CAMK2B: variants seen among roughly 807,000 people sequenced by gnomAD.
The protein encoded by CAMK2B is calcium/calmodulin dependent protein kinase II beta.
A neutral mutation model predicts 93.7 loss-of-function variants in CAMK2B; 27 were observed. The ratio of observed to expected loss-of-function variants is 0.29; its 90% CI spans 0.21 to 0.40. CAMK2B has a LOEUF of 0.40. CAMK2B is among the 10% of genes least tolerant of loss of function. The pLI, the probability that CAMK2B is intolerant of heterozygous loss-of-function variation, is 1.00. For synonymous variants in CAMK2B, 374 were observed against 358.8 expected (o/e 1.04, Z -0.48); for missense variants, 568 against 895.8 (o/e 0.63, Z 4.67).
chr7:44,322,119 A>C (rs1796246589), intron 1 of CAMK2B, among the ~76,000 whole-genome samples: 1 of 152,274 alleles, frequency 6.6e-6, no homozygotes, highest in Non-Finnish European at 1.5e-5. Flanking sequence ...GGGGGCACGC[A>C]GGACAGTGTT....
chr7:44,307,122 T>G (rs76352887), intron 1 of CAMK2B, among the ~76,000 whole-genome samples: 842 of 29,266 alleles, frequency 0.029, 22 homozygotes, highest in African/African-American at 0.097. Context: ...AGGAGGAGGG[T>G]GTGAGCAGGG....
Position 44,243,180 on chromosome 7 carries a change from T to C in CAMK2B, c.601+70A>G, listed in dbSNP as rs1221201392. 2.2e-5 allele frequency: 26 copies of C among 1,190,400 alleles called. No individual in the cohort carries two copies. In the East Asian group the frequency reaches 6.3e-4, roughly 29 times the overall value. The allele number at this position is 1,190,400 out of a possible 1,614,324, so 73.7% of individuals were successfully genotyped here. ...GCAAGACGTGCTGGCCACTGCACAC[T>C]CCAGGATGTAGGTGGGAAGTCCTGA... On this transcript the variant is annotated intron_variant, in intron 8 of 23. Transcript: ENST00000395749.
intron 1 of CAMK2B, among the ~76,000 whole-genome samples, chr7:44,285,713 C>A (rs1482324186): frequency 2.6e-5 from 4 of 151,670 alleles, no homozygotes; most frequent in Non-Finnish European, 5.9e-5. Flanking sequence ...GCTTGGGCGG[C>A]CACTGAGCTG....
At chr7:44,277,490 A>T (rs910142298) in intron 2 of CAMK2B, among the ~76,000 whole-genome samples, 1 of 152,196 alleles carries the variant, frequency 6.6e-6, no homozygotes, top group Non-Finnish European at 1.5e-5. Flanking sequence ...CTGGAGCTGC[A>T]TGCTACCAGC....
At chr7:44,272,421 G>A (rs1380632479) in intron 2 of CAMK2B, among the ~76,000 whole-genome samples, 1 of 152,196 alleles carries the variant, frequency 6.6e-6, no homozygotes, top group Admixed American at 6.5e-5. Flanking sequence ...CCGGGAGGCT[G>A]AGCCCTGTGA....
At position 44,242,252 on chromosome 7, in the gene CAMK2B, G is replaced by A. The variant is rs140934351; in HGVS notation, c.785C>T (p.Thr262Ile). ...MLTINPAKRI[T>I]AHEALKHPWV... ...CGGGTGCTTCAGGGCCTCATGGGCTGTGATGCGCTTGGCAGGGTTGATGGT... is the reference window on the plus strand; with the variant it reads ...CGGGTGCTTCAGGGCCTCATGGGCTATGATGCGCTTGGCAGGGTTGATGGT... The change falls in exon 10 of 24, where the codon ACA becomes ATA. Residue 262 changes from threonine to isoleucine, a missense_variant. Around this residue, in one of 4 missense-constraint regions of CAMK2B, gnomAD observed 105 missense variants for 372.4 expected, o/e 0.28. Transcript: ENST00000395749. The A allele has an allele frequency of 6.2e-7, 1 of 1,614,092 alleles. No individual in the cohort carries two copies. Among genetic ancestry groups the A allele is most frequent in the African/African-American group, 1.3e-5 (1 of 75,062 alleles).
Position 44,248,620 on chromosome 7 carries a change from A to C in CAMK2B, c.342-1428T>G, listed in dbSNP as rs1042967503. Among the ~76,000 whole-genome samples the C allele has an allele frequency of 6.6e-6, 1 of 152,220 alleles. No individual in the cohort carries two copies. Among genetic ancestry groups the C allele is most frequent in the African/African-American group, 2.4e-5 (1 of 41,462 alleles). On this transcript the variant is annotated intron_variant, in intron 5 of 23. Coordinates refer to ENST00000395749, the MANE Select transcript of CAMK2B (RefSeq NM_001220.5). The surrounding 1 kb of genome is among the most constrained non-coding windows in gnomAD (Gnocchi z 4.1). ...CTATCCCAGCCAGATCCTTGGGGAC[A>C]GGAGGGTGACCAGGGTCAGCAAGAT...
chr7:44,317,147 G>A (rs1460154764), intron 1 of CAMK2B, among the ~76,000 whole-genome samples: 2 of 151,580 alleles, frequency 1.3e-5, no homozygotes, highest in African/African-American at 2.4e-5. Context: ...AACCAGACTT[G>A]CTGAATAAAT....
rs774396408 is a variant in CAMK2B, at chr7:44,242,218, G to A, written c.819C>T (p.Cys273=). The stretch of plus-strand genomic sequence containing the variant: ...ACCATGGGCACCAAGGGCGACTCAC[G>A]CAGACCCACGGGTGCTTCAGGGCCT... ...AHEALKHPWV[C]QRSTVASMMH... is the part of the protein sequence containing the mutation. Residue 273 remains cysteine, a splice_region_variant and synonymous_variant, in exon 10 of 24, where the codon TGC becomes TGT. Coordinates refer to ENST00000395749, the MANE Select transcript of CAMK2B (RefSeq NM_001220.5). 7 of 1,612,578 alleles carry A rather than the reference G, an allele frequency of 4.3e-6. No homozygotes were observed. In the East Asian group the frequency reaches 6.7e-5, roughly 15 times the overall value.
rs532563164 is a variant in CAMK2B, at chr7:44,248,374, C to T, written c.342-1182G>A. ...CCCTGCACACACCGAGAGCCCGTGGCTTGAATCTGCTTCTGCCCAGGTGCC... is the reference window on the plus strand; with the variant it reads ...CCCTGCACACACCGAGAGCCCGTGGTTTGAATCTGCTTCTGCCCAGGTGCC... On this transcript the variant is annotated intron_variant, in intron 5 of 23. Coordinates refer to ENST00000395749, the MANE Select transcript of CAMK2B (RefSeq NM_001220.5). The surrounding 1 kb of genome is among the most constrained non-coding windows in gnomAD (Gnocchi z 4.1). Among the ~76,000 whole-genome samples the T allele has an allele frequency of 3.3e-5, 5 of 152,296 alleles. No homozygotes were observed. Among genetic ancestry groups the T allele is most frequent in the African/African-American group, 1.2e-4 (5 of 41,552 alleles).
intron 2 of CAMK2B, among the ~76,000 whole-genome samples, chr7:44,272,152 C>T (rs940910034): frequency 4.0e-5 from 6 of 151,370 alleles, no homozygotes; most frequent in Non-Finnish European, 7.4e-5. Context: ...GACAAGCCTG[C>T]TCTCCCTCTG....
chr7:44,321,811 G>C (rs983053358), intron 1 of CAMK2B, among the ~76,000 whole-genome samples: 7 of 152,114 alleles, frequency 4.6e-5, no homozygotes, highest in African/African-American at 1.7e-4. Context: ...CCCAACAAAC[G>C]GTCGACACTG....
At position 44,229,433 on chromosome 7, in the gene CAMK2B, G is replaced by A; in HGVS notation, c.1294C>T (p.Leu432=). 1 of 1,501,814 alleles carries A rather than the reference G, an allele frequency of 6.7e-7. No individual in the cohort carries two copies. Among genetic ancestry groups the A allele is most frequent in the Non-Finnish European group, 8.9e-7 (1 of 1,126,882 alleles). 93.0% of individuals were successfully genotyped at this position (1,501,814 alleles called of 1,614,324 possible). Residue 432 remains leucine, a synonymous_variant, in exon 18 of 24, where the codon CTG becomes TTG. Coordinates refer to ENST00000395749, the MANE Select transcript of CAMK2B (RefSeq NM_001220.5). ...AAGGGAGCCGGAGATGGGCAGGGCA[G>A]GGGCCCCTCGGCTTCTGGGGCTCCC... ...GSGAPEAEGP[L]PCPSPAPFSP... is the part of the protein sequence containing the mutation.
At chr7:44,227,105 A>G (rs187598645) in intron 19 of CAMK2B, among the ~76,000 whole-genome samples, 1 of 470 alleles carries the variant, frequency 2.1e-3, no homozygotes, top group Non-Finnish European at 4.7e-3. Context: ...ACCAAGGTGG[A>G]TGTGGGGGAC....
chr7:44,240,111 G>C (rs1442611516), intron 12 of CAMK2B, among the ~76,000 whole-genome samples: 1 of 151,788 alleles, frequency 6.6e-6, no homozygotes, highest in African/African-American at 2.4e-5. Context: ...GGTACAGCTT[G>C]TCCAGACCTG....
rs1185799384 is a variant in CAMK2B at position 44,224,291 on chromosome 7, T to A, written c.1597+2225A>T. ...CCAGCCCCCACTCTGCCTCCCCACA[T>A]AGCACATGGGAGCTTTTGTGTCCTT... On this transcript the variant is annotated intron_variant, in intron 20 of 23. Coordinates refer to ENST00000395749, the MANE Select transcript of CAMK2B (RefSeq NM_001220.5). This position sits in a 1 kb window ranked among gnomAD's most constrained non-coding sequence, Gnocchi z 4.4. Among the ~76,000 whole-genome samples, 1 of 152,130 alleles carries A rather than the reference T, an allele frequency of 6.6e-6. No homozygotes were observed. The highest frequency in any genetic ancestry group is 1.9e-4 in the East Asian group (1 of 5,188).
chr7:44,226,455 G>C lies in CAMK2B; in HGVS notation c.1597+61C>G, dbSNP rs1020808143. On this transcript the variant is annotated intron_variant, in intron 20 of 23. Coordinates refer to ENST00000395749, the MANE Select transcript of CAMK2B (RefSeq NM_001220.5). Reference sequence around the variant, plus strand: ...GCCCTTCCCAGAGCACCACTGCCAGGCTCGCACGCCCCGAGCCCCTCCGGG... The same window carrying C: ...GCCCTTCCCAGAGCACCACTGCCAGCCTCGCACGCCCCGAGCCCCTCCGGG... The C allele has an allele frequency of 6.9e-6, 9 of 1,307,398 alleles. No homozygotes were observed. The African/African-American group carries it at 1.4e-4, about 20-fold the overall frequency. 81.0% of individuals were successfully genotyped at this position (1,307,398 alleles called of 1,614,324 possible).
At chr7:44,315,031 A>C (rs73099827) in intron 1 of CAMK2B, among the ~76,000 whole-genome samples, 13,338 of 152,198 alleles carry the variant, frequency 0.088, 951 homozygotes, top group African/African-American at 0.2. Flanking sequence ...GGACTATTCT[A>C]TTCCACTTTC....
chr7:44,292,103 C>T (rs1268674174), intron 1 of CAMK2B, among the ~76,000 whole-genome samples: 2 of 152,180 alleles, frequency 1.3e-5, no homozygotes, highest in African/African-American at 2.4e-5. Flanking sequence ...CTTCCTAGGG[C>T]TGGGAGGGAG....
Sources: gnomAD v4.1 joint callset for allele counts (sites outside exome capture counted in the v4.1 genomes callset) on GRCh38, gnomAD v4.1.1 for gene constraint, gnomAD v4.1.1 regional missense constraint, Gnocchi (gnomAD v3.1) non-coding constraint, MANE v1.5 for transcripts, NCBI Gene and HGNC (gene_info 2026-07-23, HGNC 2026-07-21) for gene names.